CNTNAP5: variants seen among roughly 807,000 people sequenced by gnomAD.
CNTNAP5 encodes the protein contactin associated protein family member 5.
CNTNAP5 carries 72 observed loss-of-function variants against 150.2 expected under a neutral mutation model. The observed-to-expected ratio is 0.48, with a 90% CI of 0.40 to 0.58. The LOEUF (loss-of-function observed/expected upper bound fraction) is 0.58, where lower values mean the gene tolerates loss of function less well. Ranked by LOEUF, CNTNAP5 falls within the 20% of genes least tolerant of loss-of-function variation. CNTNAP5 has a pLI of 0.00. For missense variants in CNTNAP5, 1,636 were observed against 1,626.2 expected, an observed-to-expected ratio of 1.01 and a Z score of -0.10; for synonymous variants, 672 against 619.8, an observed-to-expected ratio of 1.08 and a Z score of -1.25.
chr2:124,127,610 T>G (rs1167964417), intron 1 of CNTNAP5, among the ~76,000 whole-genome samples: 1 of 152,190 alleles, frequency 6.6e-6, no homozygotes, highest in East Asian at 1.9e-4. Context: ...AAGAAAATCC[T>G]AAGCCAAAAG....
intron 19 of CNTNAP5, among the ~76,000 whole-genome samples, chr2:124,836,149 C>G (rs200932660): frequency 6.6e-6 from 1 of 151,820 alleles, no homozygotes; most frequent in Non-Finnish European, 1.5e-5. Flanking sequence ...ATAGGATTTC[C>G]GAGGGGATAG....
Position 124,176,842 on chromosome 2 carries a change from G to GTTTT in CNTNAP5, c.83-44846_83-44843dup, listed in dbSNP as rs71394026. Among the ~76,000 whole-genome samples, 37 of 119,882 alleles carry GTTTT rather than the reference G, an allele frequency of 3.1e-4. 1 individual carries two copies. The highest frequency in any genetic ancestry group is 1.1e-3 in the African/African-American group (34 of 30,844). The allele number at this position is 119,882 out of a possible 152,430, so 78.6% of individuals were successfully genotyped here. A position where few individuals can be genotyped will look rare whatever the true frequency, so the allele number is the denominator to read the frequency against. On this transcript the variant is annotated intron_variant, in intron 1 of 23. Transcript: ENST00000682447. ...TCAGATAATGTCTTTGTTATTGCTG[G>GTTTT]TTTTTTTTTTTTTTTTTTTTACATG...
chr2:124,556,537 G>T (rs1424623809), intron 10 of CNTNAP5, among the ~76,000 whole-genome samples: 1 of 152,112 alleles, frequency 6.6e-6, no homozygotes, highest in Non-Finnish European at 1.5e-5. Flanking sequence ...GGATCCCCTT[G>T]CTCTTGTGTT....
At chr2:124,039,211 A>G (rs780452494) in intron 1 of CNTNAP5, among the ~76,000 whole-genome samples, 2 of 152,168 alleles carry the variant, frequency 1.3e-5, no homozygotes, top group Non-Finnish European at 2.9e-5. Flanking sequence ...TGTTTTGTGA[A>G]AGCGCTTGCA....
intron 1 of CNTNAP5, among the ~76,000 whole-genome samples, chr2:124,189,824 A>C (rs1685419642): frequency 6.6e-6 from 1 of 152,184 alleles, no homozygotes; most frequent in African/African-American, 2.4e-5. Flanking sequence ...GGGTTCATCT[A>C]AAGGGCATAG....
intron 3 of CNTNAP5, among the ~76,000 whole-genome samples, chr2:124,389,417 A>G (rs1691053764): frequency 6.6e-6 from 1 of 152,218 alleles, no homozygotes; most frequent in Admixed American, 6.5e-5. Flanking sequence ...AGTTCCTGCT[A>G]TAGCTAGTTA....
chr2:124,809,379 GGT>G (rs1682154654), intron 19 of CNTNAP5, among the ~76,000 whole-genome samples: 2 of 123,672 alleles, frequency 1.6e-5, no homozygotes, highest in Middle Eastern at 4.1e-3. Context: ...ACAATAATAT[GGT>G]ATTTATTTAT....
chr2:124,862,302 G>T (rs1214983608), intron 19 of CNTNAP5, among the ~76,000 whole-genome samples: 2 of 152,128 alleles, frequency 1.3e-5, no homozygotes, highest in Admixed American at 6.5e-5. Flanking sequence ...ATGCATTACA[G>T]CATGTCAGAG....
At chr2:124,532,970 C>T (rs1237941280) in intron 10 of CNTNAP5, among the ~76,000 whole-genome samples, 1 of 152,084 alleles carries the variant, frequency 6.6e-6, no homozygotes, top group Non-Finnish European at 1.5e-5. Flanking sequence ...CTTTCCCCAA[C>T]CCCCACTGTT....
intron 19 of CNTNAP5, among the ~76,000 whole-genome samples, chr2:124,808,937 C>A (rs777231124): frequency 2.0e-4 from 30 of 151,960 alleles, no homozygotes; most frequent in Non-Finnish European, 4.0e-4. Context: ...GGATCCCTAG[C>A]CTTATTTTGT....
intron 3 of CNTNAP5, among the ~76,000 whole-genome samples, chr2:124,290,929 A>C (rs1340040206): frequency 6.6e-6 from 1 of 150,438 alleles, no homozygotes; most frequent in African/African-American, 2.4e-5. Context: ...AAGCAGGGAT[A>C]ATTGTAGATG....
chr2:124,647,963 G>A lies in CNTNAP5; in HGVS notation c.2077+5G>A, dbSNP rs1275133860. ...CCCGCCTGCTCAACACGCCGGGTAA[G>A]GCCTCTGCATGCATGACCACAGTGG... On this transcript the variant is annotated splice_donor_5th_base_variant and intron_variant, in intron 13 of 23. Coordinates refer to ENST00000682447, the MANE Select transcript of CNTNAP5 (RefSeq NM_001367498.1). 1 of 1,589,672 alleles carries A rather than the reference G, an allele frequency of 6.3e-7. No individual in the cohort carries two copies. The highest frequency in any genetic ancestry group is 1.8e-5 in the Admixed American group (1 of 56,642).
chr2:124,082,574 T>C (rs1009871817), intron 1 of CNTNAP5, among the ~76,000 whole-genome samples: 1 of 152,204 alleles, frequency 6.6e-6, no homozygotes, highest in African/African-American at 2.4e-5. Context: ...GATAATACAT[T>C]GTTTCCAGTT....
chr2:124,571,272 G>A (rs920210769), intron 11 of CNTNAP5, among the ~76,000 whole-genome samples: 1 of 152,038 alleles, frequency 6.6e-6, no homozygotes, highest in Non-Finnish European at 1.5e-5. Flanking sequence ...AGAATCAGTG[G>A]GTGTATAGTT....
chr2:124,584,100 A>G (rs995552252), intron 11 of CNTNAP5, among the ~76,000 whole-genome samples: 7 of 152,194 alleles, frequency 4.6e-5, no homozygotes, highest in East Asian at 1.9e-4. Context: ...TCAAATCCTT[A>G]TAATAAATAC....
intron 3 of CNTNAP5, among the ~76,000 whole-genome samples, chr2:124,293,558 A>G (rs1278198865): frequency 2.0e-5 from 3 of 152,232 alleles, no homozygotes; most frequent in Non-Finnish European, 4.4e-5. Context: ...AGCAAATTAT[A>G]TGAATAGAAC....
At chr2:124,787,635 C>T (rs1178991354) in intron 17 of CNTNAP5, among the ~76,000 whole-genome samples, 4 of 152,082 alleles carry the variant, frequency 2.6e-5, no homozygotes, top group Admixed American at 2.0e-4. Context: ...TCCCCACTCT[C>T]CCCTGCCCCA....
intron 16 of CNTNAP5, among the ~76,000 whole-genome samples, chr2:124,772,057 A>T (rs940144565): frequency 5.9e-5 from 9 of 151,578 alleles, no homozygotes; most frequent in African/African-American, 2.2e-4. Flanking sequence ...CATCACCATC[A>T]GCATTAACAT....
intron 3 of CNTNAP5, among the ~76,000 whole-genome samples, chr2:124,326,691 G>A (rs1440408751): frequency 2.0e-5 from 3 of 152,094 alleles, no homozygotes; most frequent in Admixed American, 6.6e-5. Context: ...TTGGGAGGCC[G>A]AGGCAGCCTG....
Sources: gnomAD v4.1 joint callset for allele counts (sites outside exome capture counted in the v4.1 genomes callset) on GRCh38, gnomAD v4.1.1 for gene constraint, MANE v1.5 for transcripts, NCBI Gene and HGNC (gene_info 2026-07-23, HGNC 2026-07-21) for gene names.